The following RUNX1T1 variants were observed in gnomAD, a reference collection of about 807,000 sequenced individuals.
RUNX1T1 encodes RUNX1 partner transcriptional co-repressor 1, also known as protein CBFA2T1.
A neutral mutation model predicts 62.8 loss-of-function variants in RUNX1T1; 4 were observed. The observed-to-expected ratio is 0.06, with a 90% CI of 0.03 to 0.15. RUNX1T1 has a LOEUF of 0.15. RUNX1T1 is among the 10% of genes least tolerant of loss of function. The pLI is 1.00. For missense variants in RUNX1T1, 508 were observed against 754.3 expected, an observed-to-expected ratio of 0.67 and a Z score of 3.82; for synonymous variants, 291 against 286.0, an observed-to-expected ratio of 1.02 and a Z score of -0.18.
At position 92,046,319 on chromosome 8, in the gene RUNX1T1, C is replaced by G. The variant is rs182207466; in HGVS notation, c.7+16227G>C. 5.3e-5 allele frequency among the ~76,000 whole-genome samples: 8 copies of G among 152,224 alleles called. 1 individual carries two copies. The stretch of plus-strand genomic sequence containing the variant: ...TTCTAGATCACGGTTTATAATAAGA[C>G]TCTCAAATAATGCCCCTTAGTATGA... On this transcript the variant is annotated intron_variant, in intron 1 of 10. Transcript: ENST00000396218.
chr8:92,014,452 G>T, intron 3 of RUNX1T1, 127 bp downstream of exon 4: 1 of 900,214 alleles, frequency 1.1e-6, no homozygotes, highest in Non-Finnish European at 1.7e-6. Context: ...AATCAGACTT[G>T]CACACAATCT....
intron 1 of RUNX1T1, chr8:92,062,516 CAG>C (rs752278669): frequency 6.2e-7 from 1 of 1,610,750 alleles, no homozygotes; most frequent in Non-Finnish European, 8.5e-7. Context: ...ATTGGAAAAA[CAG>C]AGAGAACACA....
At chr8:92,085,141 C>T (rs1457162258) in intron 1 of RUNX1T1, among the ~76,000 whole-genome samples, 1 of 152,224 alleles carries the variant, frequency 6.6e-6, no homozygotes. Flanking sequence ...AATGGTAAAG[C>T]ACTTGGGAGT....
At chr8:92,059,682 T>C (rs1331953582) in intron 1 of RUNX1T1, among the ~76,000 whole-genome samples, 1 of 152,208 alleles carries the variant, frequency 6.6e-6, no homozygotes, top group Non-Finnish European at 1.5e-5. Context: ...GTTTTGAAAA[T>C]ATCACATGAT....
chr8:92,091,003 T>G (rs957381000), intron 1 of RUNX1T1, among the ~76,000 whole-genome samples: 1 of 152,176 alleles, frequency 6.6e-6, no homozygotes, highest in Non-Finnish European at 1.5e-5. Flanking sequence ...GACCAACAAC[T>G]AAGTAGCAGC....
chr8:92,047,867 T>C (rs734113), intron 1 of RUNX1T1, among the ~76,000 whole-genome samples: 33,846 of 152,086 alleles, frequency 0.22, 3,910 homozygotes, highest in African/African-American at 0.27. Context: ...TAATCTTATC[T>C]ACCCACTTCC....
chr8:91,988,135 C>T (rs1816940169), intron 6 of RUNX1T1, among the ~76,000 whole-genome samples: 2 of 151,898 alleles, frequency 1.3e-5, no homozygotes, highest in Admixed American at 1.3e-4. Context: ...GTTATAAATC[C>T]CTTTTTTTAG....
exon 1 of RUNX1T1, chr8:92,099,669 AGGGCTAT>A: frequency 1.0e-6 from 1 of 985,266 alleles, no homozygotes; most frequent in Non-Finnish European, 1.2e-6. Context: ...TTTGCTATGA[AGGGCTAT>A]GTTGCCTGCA....
At chr8:92,008,447 T>C (rs1052852171) in intron 4 of RUNX1T1, among the ~76,000 whole-genome samples, 3 of 150,226 alleles carry the variant, frequency 2.0e-5, no homozygotes, top group Non-Finnish European at 4.4e-5. Context: ...TGTGCCATTC[T>C]GTATTAAATA....
intron 1 of RUNX1T1, among the ~76,000 whole-genome samples, chr8:92,061,810 G>T (rs527321967): frequency 6.6e-6 from 1 of 152,110 alleles, no homozygotes; most frequent in East Asian, 1.9e-4. Flanking sequence ...TCCAAATTAG[G>T]CACAGGGCAA....
chr8:92,102,946 C>CG, upstream of RUNX1T1: 1 of 1,495,632 alleles, frequency 6.7e-7, no homozygotes, highest in Admixed American at 2.2e-5. The surrounding 1 kb of genome is among the most constrained non-coding windows in gnomAD (Gnocchi z 4.5). Context: ...CGCGGGGCGA[C>CG]GGGGCGAGGA....
intron 1 of RUNX1T1, among the ~76,000 whole-genome samples, chr8:92,078,371 G>A (rs1244521702): frequency 6.6e-6 from 1 of 152,078 alleles, no homozygotes; most frequent in African/African-American, 2.4e-5. Context: ...ATTCCGCACT[G>A]AAGTCTGTCA....
intron 1 of RUNX1T1, among the ~76,000 whole-genome samples, chr8:92,077,148 C>A (rs935943934): frequency 6.6e-6 from 1 of 151,950 alleles, no homozygotes; most frequent in East Asian, 1.9e-4. Context: ...AGTTTATGTG[C>A]CACATTATGA....
intron 1 of RUNX1T1, among the ~76,000 whole-genome samples, chr8:92,081,986 C>T (rs1250007050): frequency 2.0e-5 from 3 of 152,042 alleles, no homozygotes; most frequent in Non-Finnish European, 4.4e-5. Context: ...CCCAGGTTCA[C>T]GCCATTCTCC....
rs113871691 is a variant in RUNX1T1, at chr8:92,034,275, T to C, written c.8-16912A>G. Among the ~76,000 whole-genome samples the C allele has an allele frequency of 8.8e-3, 1,339 of 152,230 alleles. 5 individuals are homozygous for C. The highest frequency in any genetic ancestry group is 0.017 in the Middle Eastern group (5 of 294). ...CACTAGCTGACTGAGAGGAAAAGAC[T>C]AGAGATCACCTTGGGGAAAAATCCA... On this transcript the variant is annotated intron_variant, in intron 1 of 10. Transcript: ENST00000396218.
At chr8:92,010,778 T>G in intron 4 of RUNX1T1, 1 of 422,452 alleles carries the variant, frequency 2.4e-6, no homozygotes, top group Non-Finnish European at 4.2e-6. Context: ...TCAAAGAGAC[T>G]TCTAAACTCT....
At chr8:92,093,222 C>T (rs1009444000) in intron 1 of RUNX1T1, among the ~76,000 whole-genome samples, 1 of 152,002 alleles carries the variant, frequency 6.6e-6, no homozygotes, top group Non-Finnish European at 1.5e-5. Flanking sequence ...TACTTGATGG[C>T]AACAATTGTC....
chr8:91,970,040 G>GT (rs1224112445), intron 10 of RUNX1T1, among the ~76,000 whole-genome samples: 7 of 56,516 alleles, frequency 1.2e-4, no homozygotes, highest in Non-Finnish European at 2.2e-4. Flanking sequence ...GTGTGTGTGT[G>GT]TGTTGTGTGT....
chr8:92,041,994 T>G (rs75426760), intron 1 of RUNX1T1, among the ~76,000 whole-genome samples: 1 of 151,896 alleles, frequency 6.6e-6, no homozygotes, highest in Non-Finnish European at 1.5e-5. Context: ...AATTTTTTTT[T>G]GTATTTTTAG....
Sources: gnomAD v4.1 joint callset for allele counts (sites outside exome capture counted in the v4.1 genomes callset) on GRCh38, gnomAD v4.1.1 for gene constraint, Gnocchi (gnomAD v3.1) non-coding constraint, MANE v1.5 for transcripts, NCBI Gene and HGNC (gene_info 2026-07-23, HGNC 2026-07-21) for gene names.